Variants in FMNL2 observed in about 807,000 individuals in gnomAD.
FMNL2 encodes the protein formin-like protein 2.
A neutral mutation model predicts 130.2 loss-of-function variants in FMNL2; 51 were observed. The observed-to-expected ratio is 0.39, with a 90% CI of 0.31 to 0.49. The LOEUF is 0.49. FMNL2 is among the 20% of genes least tolerant of loss of function. The probability of loss-of-function intolerance (pLI) is 0.85; values close to 1 mark genes in which losing one functional copy is unlikely to be tolerated. For synonymous variants in FMNL2, 465 were observed against 467.1 expected (o/e 1.00, Z 0.06); for missense variants, 977 against 1,316.2 (o/e 0.74, Z 3.99).
intron 25 of FMNL2, chr2:152,643,664 A>G: frequency 6.9e-7 from 1 of 1,441,168 alleles, no homozygotes; most frequent in Non-Finnish European, 9.1e-7. Context: ...CTCATGCTGC[A>G]TGGTTTTGCA....
intron 1 of FMNL2, among the ~76,000 whole-genome samples, chr2:152,416,859 A>G (rs990495161): frequency 1.3e-5 from 2 of 152,194 alleles, no homozygotes; most frequent in African/African-American, 4.8e-5. Context: ...TCTAACATCC[A>G]CCAATTGTGT....
intron 1 of FMNL2, among the ~76,000 whole-genome samples, chr2:152,356,616 C>T (rs1682798577): frequency 6.6e-6 from 1 of 152,120 alleles, no homozygotes; most frequent in Admixed American, 6.5e-5. Flanking sequence ...AATTTGTCAC[C>T]AGATGTGCAG....
rs1316975690 is a variant in FMNL2, at chr2:152,619,041, A to C, written c.1510A>C (p.Met504Leu). 1.9e-6 allele frequency: 3 copies of C among 1,613,944 alleles called. No homozygotes were observed. Among genetic ancestry groups the C allele is most frequent in the Non-Finnish European group, 2.5e-6 (3 of 1,179,910 alleles). The change falls in exon 14 of 26, where the codon ATG becomes CTG. Residue 504 changes from methionine to leucine, a missense_variant. Transcript: ENST00000288670. ...LPVVASGTLS[M>L]GSEVVAGNSV... ...AGTTGTGGCTTCTGGCACATTGTCC[A>C]TGGGGTCAGAAGTGGTAGCAGGTAA... is the stretch of plus-strand genomic sequence containing the variant.
intron 1 of FMNL2, among the ~76,000 whole-genome samples, chr2:152,518,167 CAG>C (rs1692881883): frequency 6.6e-6 from 1 of 152,190 alleles, no homozygotes; most frequent in Non-Finnish European, 1.5e-5. Context: ...AGTTTAAAGG[CAG>C]TTATTACCAG....
At chr2:152,527,468 A>C (rs1693450998) in intron 2 of FMNL2, among the ~76,000 whole-genome samples, 1 of 152,154 alleles carries the variant, frequency 6.6e-6, no homozygotes, top group African/African-American at 2.4e-5. Context: ...ATTATTTTCT[A>C]ATCTCTCTTT....
intron 1 of FMNL2, among the ~76,000 whole-genome samples, chr2:152,387,334 C>G (rs934884624): frequency 6.6e-6 from 1 of 152,172 alleles, no homozygotes; most frequent in African/African-American, 2.4e-5. Flanking sequence ...ATGGCAGACA[C>G]CAGCCCAGGG....
At chr2:152,379,388 G>A (rs1050686757) in intron 1 of FMNL2, among the ~76,000 whole-genome samples, 6 of 152,132 alleles carry the variant, frequency 3.9e-5, no homozygotes, top group Non-Finnish European at 8.8e-5. Flanking sequence ...AAACTACGGT[G>A]GTTTGTGGTG....
intron 21 of FMNL2, among the ~76,000 whole-genome samples, chr2:152,634,961 G>A (rs974320683): frequency 2.0e-5 from 3 of 151,924 alleles, no homozygotes; most frequent in African/African-American, 7.3e-5. Flanking sequence ...TTTGGGAAGT[G>A]CTTTGGAGCT....
At chr2:152,516,042 C>A (rs933449046) in intron 1 of FMNL2, among the ~76,000 whole-genome samples, 2 of 152,062 alleles carry the variant, frequency 1.3e-5, no homozygotes, top group East Asian at 1.9e-4. Context: ...ATGAGTAAAT[C>A]CTTGCTTGCA....
At chr2:152,338,834 C>CACACAT (rs1553862428) in intron 1 of FMNL2, among the ~76,000 whole-genome samples, 36 of 150,310 alleles carry the variant, frequency 2.4e-4, no homozygotes, top group Non-Finnish European at 4.4e-4. Flanking sequence ...CACACACACA[C>CACACAT]ACACACACAC....
chr2:152,476,523 A>AT (rs1203204520), intron 1 of FMNL2, among the ~76,000 whole-genome samples: 1 of 152,074 alleles, frequency 6.6e-6, no homozygotes, highest in Non-Finnish European at 1.5e-5. Context: ...AAATGAAAAA[A>AT]TTAGTCGGGC....
At chr2:152,636,733 CG>C in intron 22 of FMNL2, 143 bp downstream of exon 22, 1 of 1,019,606 alleles carries the variant, frequency 9.8e-7, no homozygotes, top group South Asian at 1.7e-5. Flanking sequence ...TTATTTATTA[CG>C]GGGGGACCAT....
chr2:152,367,842 C>T (rs1683647194), intron 1 of FMNL2, among the ~76,000 whole-genome samples: 1 of 152,228 alleles, frequency 6.6e-6, no homozygotes, highest in Admixed American at 6.5e-5. Context: ...TGTAGTCATG[C>T]AGTCCTGTTG....
At chr2:152,434,262 G>A (rs114631350) in intron 1 of FMNL2, among the ~76,000 whole-genome samples, 3,376 of 152,248 alleles carry the variant, frequency 0.022, 117 homozygotes, top group African/African-American at 0.077. Flanking sequence ...AAGTATGCAC[G>A]GTGAATTTCC....
intron 13 of FMNL2, 138 bp downstream of exon 13, chr2:152,617,330 A>T (rs1699009520): frequency 1.3e-6 from 1 of 757,128 alleles, no homozygotes; most frequent in African/African-American, 1.8e-5. Context: ...TTGAGAGGTG[A>T]TGCTCAGTTG....
At position 152,464,036 on chromosome 2, in the gene FMNL2, G is replaced by A. The variant is rs147804396; in HGVS notation, c.118-57907G>A. Among the ~76,000 whole-genome samples the A allele has an allele frequency of 1.4e-4, 22 of 152,296 alleles. 1 individual carries two copies. The highest frequency in any genetic ancestry group is 3.6e-4 in the African/African-American group (15 of 41,564). On this transcript the variant is annotated intron_variant, in intron 1 of 25. Transcript: ENST00000288670. ...CAACCTCTGACTCGCAGGTTCAAGC[G>A]ATTCTCCTGCCTCAGTCTCCTGAGT...
intron 1 of FMNL2, among the ~76,000 whole-genome samples, chr2:152,394,712 A>T (rs1482104774): frequency 9.6e-6 from 1 of 104,248 alleles, no homozygotes; most frequent in Non-Finnish European, 2.1e-5. Flanking sequence ...ACATAACATT[A>T]ACTGTTGGGT....
chr2:152,634,783 C>G lies in FMNL2; in HGVS notation c.2681-1644C>G, dbSNP rs141897290. On this transcript the variant is annotated intron_variant, in intron 21 of 25. Transcript: ENST00000288670. ...GGAGAACTGGACCCTTTCTCTTGAC[C>G]AATGCTAGCTACAGGCGTTGCTGTT... Among the ~76,000 whole-genome samples the G allele has an allele frequency of 1.2e-3, 188 of 152,288 alleles. 1 individual carries two copies. Among genetic ancestry groups the G allele is most frequent in the African/African-American group, 4.4e-3 (184 of 41,554 alleles).
chr2:152,364,259 GTGT>G (rs553029800), intron 1 of FMNL2, among the ~76,000 whole-genome samples: 1,576 of 100,680 alleles, frequency 0.016, 89 homozygotes, highest in African/African-American at 0.049. Flanking sequence ...GGAGGTTTGT[GTGT>G]TTTTTTTTTT....
Sources: allele counts gnomAD v4.1 joint callset (sites outside exome capture counted in the v4.1 genomes callset), GRCh38; gene constraint gnomAD v4.1.1; transcripts MANE v1.5; gene names NCBI Gene and HGNC (gene_info 2026-07-23, HGNC 2026-07-21).